MTOR: variants seen among roughly 807,000 people sequenced by gnomAD.
MTOR encodes the protein serine/threonine-protein kinase mTOR.
A neutral mutation model predicts 319.8 loss-of-function variants in MTOR; 70 were observed. The ratio of observed to expected loss-of-function variants is 0.22; its 90% CI spans 0.18 to 0.27. MTOR has a LOEUF of 0.27. MTOR is among the 10% of genes least tolerant of loss of function. The pLI, the probability that MTOR is intolerant of heterozygous loss-of-function variation, is 1.00. For missense variants in MTOR, 1,890 were observed against 3,274.4 expected (o/e 0.58, Z 10.32); for synonymous variants, 1,183 against 1,211.4 (o/e 0.98, Z 0.49).
intron 30 of MTOR, among the ~76,000 whole-genome samples, chr1:11,150,776 G>A (rs1644114013): frequency 6.6e-6 from 1 of 152,216 alleles, no homozygotes; most frequent in Non-Finnish European, 1.5e-5. Flanking sequence ...TGCTGAATGT[G>A]AAGGAGGACT....
At chr1:11,216,576 G>A (rs376729165) in intron 19 of MTOR, among the ~76,000 whole-genome samples, 2 of 151,134 alleles carry the variant, frequency 1.3e-5, no homozygotes, top group Non-Finnish European at 2.9e-5. Context: ...GAGCCCAGAA[G>A]TTCAAGGCTG....
In MTOR at chr1:11,248,012, G is replaced by A. The variant is rs1424951706; in HGVS notation, c.923C>T (p.Thr308Ile). The A allele has an allele frequency of 2.5e-6, 4 of 1,614,138 alleles. No homozygotes were observed. Among genetic ancestry groups the A allele is most frequent in the South Asian group, 2.2e-5 (2 of 91,084 alleles). ...KYCKDLMGFGTKPRHITPFTS... is the reference protein window; with the variant it reads ...KYCKDLMGFGIKPRHITPFTS... ...GAAGGGGGTAATGTGACGAGGTTTT[G>A]TTCCGAAGCCCATGAGATCTTTGCA... is the stretch of plus-strand genomic sequence containing the variant. Residue 308 changes from threonine (T) to isoleucine (I), a missense_variant, in exon 7 of 58, where the codon ACA (threonine) becomes ATA (isoleucine). Physicochemically the swap from Thr to Ile is moderately conservative, Grantham distance 89. Transcript: ENST00000361445.
At chr1:11,191,657 C>G (rs1303751372) in intron 28 of MTOR, among the ~76,000 whole-genome samples, 1 of 152,170 alleles carries the variant, frequency 6.6e-6, no homozygotes, top group African/African-American at 2.4e-5. Flanking sequence ...CAGTCTGATG[C>G]TCTCATTTCA....
intron 38 of MTOR, chr1:11,131,511 T>G (rs1570950835): frequency 1.3e-5 from 2 of 152,274 alleles, no homozygotes; most frequent in Admixed American, 1.3e-4. Context: ...GGTCACCAGA[T>G]AGTGGACAAA....
At chr1:11,211,727 A>C (rs1269048614) in intron 23 of MTOR, among the ~76,000 whole-genome samples, 1 of 152,118 alleles carries the variant, frequency 6.6e-6, no homozygotes, top group East Asian at 1.9e-4. Flanking sequence ...CTTGTCCAGG[A>C]ATGATATTTT....
intron 33 of MTOR, 53 bp from the exon 34 acceptor site, chr1:11,144,808 G>A: frequency 6.4e-7 from 1 of 1,567,766 alleles, no homozygotes; most frequent in Middle Eastern, 1.7e-4. Context: ...CAATCCAAAA[G>A]ACAGGATTAA....
rs28991010 is a variant in MTOR, at chr1:11,193,821, C to T, written c.4253+5437G>A. 542 of 1,587,410 alleles carry T rather than the reference C, an allele frequency of 3.4e-4. 2 individuals are homozygous for T. In the African/African-American group the frequency reaches 6.6e-3, roughly 19 times the overall value. On this transcript the variant is annotated intron_variant, in intron 28 of 57. Coordinates refer to ENST00000361445, the MANE Select transcript of MTOR (RefSeq NM_004958.4). The stretch of plus-strand genomic sequence containing the variant: ...CCATGACTGGACCAGTGCCACCACA[C>T]ATGACCGCGTACAACTCCGGGGGTG...
intron 24 of MTOR, among the ~76,000 whole-genome samples, chr1:11,210,519 T>C (rs548662483): frequency 1.9e-4 from 29 of 152,308 alleles, no homozygotes; most frequent in African/African-American, 5.8e-4. Flanking sequence ...CAAAAGAAGA[T>C]TGATATTTTG....
chr1:11,146,936 A>G (rs1224700862), intron 31 of MTOR, 145 bp from the exon 32 acceptor site: 1 of 624,278 alleles, frequency 1.6e-6, no homozygotes, highest in Non-Finnish European at 2.9e-6. Context: ...ATGTACCAAA[A>G]TCCTGCAGAG....
At chr1:11,192,232 G>A (rs1391584899) in intron 28 of MTOR, 1 of 1,478,786 alleles carries the variant, frequency 6.8e-7, no homozygotes, top group African/African-American at 1.4e-5. Context: ...TGGAGCCACT[G>A]GGTCTAAATG....
intron 6 of MTOR, among the ~76,000 whole-genome samples, chr1:11,252,980 C>T (rs979477160): frequency 5.9e-5 from 9 of 152,212 alleles, no homozygotes; most frequent in Non-Finnish European, 1.2e-4. Flanking sequence ...GTGCCAACGT[C>T]ACCCATTGCT....
intron 28 of MTOR, among the ~76,000 whole-genome samples, chr1:11,187,945 C>G (rs1645376035): frequency 6.6e-6 from 1 of 152,088 alleles, no homozygotes; most frequent in Non-Finnish European, 1.5e-5. Context: ...AAAACAAACT[C>G]TGATCCACCT....
At chr1:11,111,174 C>G in intron 54 of MTOR, 1 of 455,738 alleles carries the variant, frequency 2.2e-6, no homozygotes, top group Non-Finnish European at 4.4e-6. Flanking sequence ...TTCCACCCAT[C>G]CAATAAGGAT....
intron 21 of MTOR, 34 bp downstream of exon 21, chr1:11,213,364 GA>G: frequency 6.3e-7 from 1 of 1,592,106 alleles, no homozygotes; most frequent in South Asian, 1.1e-5. Flanking sequence ...GAGGAAATCA[GA>G]AAATCTCTCT....
intron 30 of MTOR, among the ~76,000 whole-genome samples, chr1:11,153,791 G>A (rs1056878485): frequency 2.2e-4 from 33 of 152,006 alleles, no homozygotes; most frequent in African/African-American, 6.0e-4. Context: ...CCATAAGGCC[G>A]GATGCAGTGG....
At chr1:11,131,474 A>G (rs903347162) in intron 38 of MTOR, 5 of 152,806 alleles carry the variant, frequency 3.3e-5, no homozygotes, top group African/African-American at 1.2e-4. Context: ...AGTCATCACA[A>G]TATTTCAAGG....
chr1:11,134,544 T>C (rs985603457), intron 36 of MTOR, 78 bp from the exon 37 acceptor site: 8 of 1,202,500 alleles, frequency 6.7e-6, no homozygotes, highest in African/African-American at 1.5e-5. Context: ...GTTCATCTGA[T>C]AGGCATGAGT....
intron 50 of MTOR, among the ~76,000 whole-genome samples, chr1:11,116,689 G>C (rs771590866): frequency 6.6e-6 from 1 of 152,054 alleles, no homozygotes; most frequent in Non-Finnish European, 1.5e-5. Context: ...TATTGAGATG[G>C]GGTCTTGCTA....
At chr1:11,137,951 G>A (rs1643507665) in intron 36 of MTOR, among the ~76,000 whole-genome samples, 1 of 152,182 alleles carries the variant, frequency 6.6e-6, no homozygotes, top group South Asian at 2.1e-4. Flanking sequence ...TCCTTGGGTA[G>A]CTCCTTAACT....
Sources: gnomAD v4.1 joint callset for allele counts (sites outside exome capture counted in the v4.1 genomes callset) on GRCh38, gnomAD v4.1.1 for gene constraint, MANE v1.5 for transcripts, NCBI Gene and HGNC (gene_info 2026-07-23, HGNC 2026-07-21) for gene names.